SDK1: variants seen among roughly 807,000 people sequenced by gnomAD.
SDK1 encodes the protein sidekick cell adhesion molecule 1, also known as protein sidekick-1.
In SDK1, 157 loss-of-function variants were observed where a neutral mutation model predicts 245.5. That is an observed-to-expected ratio of 0.64 (90% confidence interval 0.56 to 0.73). The LOEUF (loss-of-function observed/expected upper bound fraction) is 0.73. Ranked by LOEUF, SDK1 falls within the 30% of genes least tolerant of loss-of-function variation. The pLI is 0.00. For missense variants in SDK1, 3,583 were observed against 3,002.3 expected (o/e 1.19, Z -4.52); for synonymous variants, 1,647 against 1,278.5 (o/e 1.29, Z -6.15).
intron 4 of SDK1, among the ~76,000 whole-genome samples, chr7:3,693,015 C>A (rs1784477341): frequency 6.6e-6 from 1 of 151,674 alleles, no homozygotes; most frequent in Admixed American, 6.6e-5. Flanking sequence ...AGATGATAGC[C>A]TTTTTTACAA....
At chr7:3,315,050 G>A (rs544460931) in intron 1 of SDK1, among the ~76,000 whole-genome samples, 7 of 152,118 alleles carry the variant, frequency 4.6e-5, no homozygotes, top group African/African-American at 7.2e-5. Flanking sequence ...ATCTGTGTTC[G>A]TCAACAGCAG....
chr7:3,754,241 A>G (rs1049086766), intron 4 of SDK1, among the ~76,000 whole-genome samples: 1 of 152,180 alleles, frequency 6.6e-6, no homozygotes, highest in East Asian at 1.9e-4. Flanking sequence ...TTATTAAGTT[A>G]TAATTGAATA....
At chr7:3,478,297 T>A (rs775230164) in intron 1 of SDK1, among the ~76,000 whole-genome samples, 3 of 152,110 alleles carry the variant, frequency 2.0e-5, no homozygotes, top group Non-Finnish European at 4.4e-5. Flanking sequence ...TTATAAATGA[T>A]GAGAGTGTTG....
intron 2 of SDK1, among the ~76,000 whole-genome samples, chr7:3,622,302 G>GA (rs1168897061): frequency 1.3e-5 from 2 of 152,090 alleles, no homozygotes; most frequent in African/African-American, 4.8e-5. Flanking sequence ...CAAACATGGT[G>GA]AAACCCCATC....
Position 3,499,958 on chromosome 7 carries a change from A to G in SDK1, c.299-119122A>G, listed in dbSNP as rs536098860. On this transcript the variant is annotated intron_variant, in intron 1 of 44. Coordinates refer to ENST00000404826, the MANE Select transcript of SDK1 (RefSeq NM_152744.4). ...AGGAATGTCCTCAGCTGATAGTGACATCAAGGCAGGGCTGGGAATTGACGG... is the reference window on the plus strand; with the variant it reads ...AGGAATGTCCTCAGCTGATAGTGACGTCAAGGCAGGGCTGGGAATTGACGG... Among the ~76,000 whole-genome samples the G allele has an allele frequency of 1.3e-5, 2 of 152,310 alleles. 1 individual carries two copies. The highest frequency in any genetic ancestry group is 4.2e-4 in the South Asian group (2 of 4,812).
chr7:4,153,058 C>T (rs1479000987), intron 30 of SDK1, among the ~76,000 whole-genome samples: 1 of 152,076 alleles, frequency 6.6e-6, no homozygotes, highest in African/African-American at 2.4e-5. Flanking sequence ...GCTGTGCGGG[C>T]TCAGGGGGTG....
intron 44 of SDK1, among the ~76,000 whole-genome samples, chr7:4,246,361 A>C (rs1786861453): frequency 6.6e-6 from 1 of 152,154 alleles, no homozygotes; most frequent in African/African-American, 2.4e-5. Flanking sequence ...GGCAGGGCTC[A>C]GGGAAGATCA....
chr7:3,979,096 C>A (rs1783196910), intron 13 of SDK1, among the ~76,000 whole-genome samples: 1 of 152,202 alleles, frequency 6.6e-6, no homozygotes, highest in Non-Finnish European at 1.5e-5. Flanking sequence ...GAGCAAAGGG[C>A]TGCACAGGAG....
intron 4 of SDK1, among the ~76,000 whole-genome samples, chr7:3,751,587 A>G (rs917122632): frequency 6.6e-6 from 1 of 152,202 alleles, no homozygotes; most frequent in African/African-American, 2.4e-5. Context: ...GGCCTGGATC[A>G]TGGTCAGGGA....
intron 5 of SDK1, among the ~76,000 whole-genome samples, chr7:3,904,825 C>A (rs1028487720): frequency 6.6e-6 from 1 of 152,168 alleles, no homozygotes; most frequent in East Asian, 1.9e-4. Flanking sequence ...AATCCCGTCT[C>A]TACTGAAAAT....
chr7:4,090,678 C>T (rs943849188), intron 22 of SDK1, among the ~76,000 whole-genome samples: 1 of 152,146 alleles, frequency 6.6e-6, no homozygotes, highest in Non-Finnish European at 1.5e-5. Context: ...GCCATTTCTC[C>T]AGGGAACCTT....
At chr7:3,552,377 T>G (rs1010078350) in intron 1 of SDK1, among the ~76,000 whole-genome samples, 1 of 152,176 alleles carries the variant, frequency 6.6e-6, no homozygotes, top group African/African-American at 2.4e-5. Context: ...TCCTGGAAGT[T>G]GAAGTCCTGT....
intron 1 of SDK1, among the ~76,000 whole-genome samples, chr7:3,475,691 G>A (rs1781329702): frequency 6.6e-6 from 1 of 152,134 alleles, no homozygotes; most frequent in Non-Finnish European, 1.5e-5. Context: ...GGTATTAAAA[G>A]TAAATAAATT....
intron 1 of SDK1, among the ~76,000 whole-genome samples, chr7:3,601,998 G>A (rs1440628236): frequency 1.3e-5 from 2 of 151,960 alleles, no homozygotes; most frequent in Admixed American, 6.6e-5. Flanking sequence ...CTCTACAAAG[G>A]ACATGAACTC....
chr7:3,901,208 G>A (rs1316367680), intron 5 of SDK1, among the ~76,000 whole-genome samples: 3 of 148,908 alleles, frequency 2.0e-5, no homozygotes, highest in East Asian at 2.0e-4. Flanking sequence ...TTTTTTTCCC[G>A]ACAGAGTCTT....
At chr7:3,783,210 G>A (rs572583502) in intron 4 of SDK1, among the ~76,000 whole-genome samples, 4 of 152,186 alleles carry the variant, frequency 2.6e-5, no homozygotes, top group Admixed American at 6.5e-5. Flanking sequence ...TAGAAGGAGT[G>A]GACTTCAACA....
At chr7:4,100,886 G>T (rs1260970652) in intron 22 of SDK1, among the ~76,000 whole-genome samples, 2 of 152,144 alleles carry the variant, frequency 1.3e-5, no homozygotes, top group African/African-American at 2.4e-5. Context: ...GGTTAACAAG[G>T]ACCCCAGACT....
intron 4 of SDK1, among the ~76,000 whole-genome samples, chr7:3,731,733 T>C (rs577613136): frequency 1.6e-4 from 24 of 152,152 alleles, no homozygotes; most frequent in Non-Finnish European, 2.9e-4. Context: ...GCATACAGAT[T>C]TAGGAAGAAG....
chr7:3,736,604 G>A (rs1779324829), intron 4 of SDK1, among the ~76,000 whole-genome samples: 1 of 152,138 alleles, frequency 6.6e-6, no homozygotes, highest in African/African-American at 2.4e-5. Context: ...GCTATCCCCA[G>A]TTTAATTCCT....
Sources: gnomAD v4.1 joint callset for allele counts (sites outside exome capture counted in the v4.1 genomes callset) on GRCh38, gnomAD v4.1.1 for gene constraint, MANE v1.5 for transcripts, NCBI Gene and HGNC (gene_info 2026-07-23, HGNC 2026-07-21) for gene names.